The following POLA1 variants were observed in gnomAD, a reference collection of about 807,000 sequenced individuals.
POLA1 encodes the protein DNA polymerase alpha catalytic subunit.
In POLA1, 15 loss-of-function variants were observed where a neutral mutation model predicts 124.0. That is an observed-to-expected ratio of 0.12 (90% CI 0.08 to 0.19). POLA1 has a LOEUF of 0.19. Among genes scored for constraint, POLA1 ranks in the 10% least tolerant of loss-of-function variants. The pLI is 1.00. For synonymous variants in POLA1, 408 were observed against 389.4 expected (o/e 1.05, Z -0.56); for missense variants, 886 against 1,103.4 (o/e 0.80, Z 2.79).
chrX:24,694,124 G>A, intron 1 of POLA1, 120 bp downstream of exon 1: 2 of 717,245 alleles, frequency 2.8e-6, no homozygotes, highest in Non-Finnish European at 4.0e-6. Context: ...GGTCGTCCCC[G>A]GCGGGGGCCC....
intron 36 of POLA1, among the ~76,000 whole-genome samples, chrX:24,986,994 G>A (rs2048487456): frequency 9.0e-6 from 1 of 111,148 alleles, no homozygotes; most frequent in Non-Finnish European, 1.9e-5. Flanking sequence ...GTATGGCCTG[G>A]ACCAAGTGAC....
chrX:24,748,182 A>G (rs1189336296), intron 24 of POLA1, 129 bp from the exon 25 acceptor site: 1 of 464,763 alleles, frequency 2.2e-6, no homozygotes, highest in Non-Finnish European at 3.7e-6. Flanking sequence ...CTACTCATGC[A>G]TTATTGACCT....
chrX:24,716,445 C>T lies in POLA1; in HGVS notation c.609C>T (p.His203=). ...CTTCACCGAATCCTTTCTCTGTGCACACCGCCACGGTAAAGTGTGTAGAGA... is the reference window on the plus strand; with the variant it reads ...CTTCACCGAATCCTTTCTCTGTGCATACCGCCACGGTAAAGTGTGTAGAGA... ...IGASPNPFSV[H]TATAVPSGKI... Residue 203 remains histidine, a synonymous_variant, in exon 7 of 37, where the codon CAC becomes CAT. Transcript: ENST00000379068. 1.8e-6 allele frequency: 2 copies of T among 1,102,373 alleles called. No homozygotes were observed. The highest frequency in any genetic ancestry group is 2.5e-6 in the Non-Finnish European group (2 of 795,894). The allele number at this position is 1,102,373 out of a possible 1,213,427, so 90.8% of individuals were successfully genotyped here.
intron 36 of POLA1, among the ~76,000 whole-genome samples, chrX:24,970,381 G>A (rs1329762199): frequency 8.9e-6 from 1 of 112,011 alleles, no homozygotes; most frequent in Non-Finnish European, 1.9e-5. Context: ...ATACCATCCT[G>A]GACATAGGAA....
chrX:24,860,521 G>A (rs1163390715), intron 34 of POLA1, among the ~76,000 whole-genome samples: 1 of 112,743 alleles, frequency 8.9e-6, no homozygotes, highest in African/African-American at 3.2e-5. Flanking sequence ...TCTACCTTCA[G>A]AATGGCTATT....
rs1373360502 is a variant in POLA1, at chrX:24,899,189, C to G, written c.4164+11067C>G. ...GCCACATTAATGCTGCTATTAAGAT[C>G]CGTGTGCTATAAATTAGATAAGCTT... On this transcript the variant is annotated intron_variant, in intron 35 of 36. Coordinates refer to ENST00000379068, the MANE Select transcript of POLA1 (RefSeq NM_001330360.2). Among the ~76,000 whole-genome samples, 9 of 111,773 alleles carry G rather than the reference C, an allele frequency of 8.1e-5. 1 individual carries two copies. In the Admixed American group the frequency reaches 8.6e-4, roughly 11 times the overall value.
chrX:24,787,046 G>A (rs1281881773), intron 26 of POLA1, among the ~76,000 whole-genome samples: 1 of 110,765 alleles, frequency 9.0e-6, no homozygotes, highest in Non-Finnish European at 1.9e-5. Context: ...GAGTGGCTGG[G>A]ATTACAGGCC....
chrX:24,878,695 G>T (rs1247259045), intron 34 of POLA1, among the ~76,000 whole-genome samples: 1 of 105,699 alleles, frequency 9.5e-6, no homozygotes, highest in East Asian at 3.0e-4. Flanking sequence ...TTGCTTATGT[G>T]ATTAAATGGA....
At chrX:24,940,603 G>A (rs769136233) in intron 36 of POLA1, among the ~76,000 whole-genome samples, 38 of 111,549 alleles carry the variant, frequency 3.4e-4, no homozygotes, top group African/African-American at 1.1e-3. Flanking sequence ...TTAGATACAG[G>A]TATACTAATT....
At chrX:24,754,817 G>T (rs1322274382) in intron 26 of POLA1, among the ~76,000 whole-genome samples, 1 of 111,790 alleles carries the variant, frequency 8.9e-6, no homozygotes, top group Non-Finnish European at 1.9e-5. Context: ...AAAAGCAGGA[G>T]AAAAACTCTA....
At chrX:24,716,782 CT>C in intron 7 of POLA1, 101 bp from the exon 8 acceptor site, 1 of 464,950 alleles carries the variant, frequency 2.2e-6, no homozygotes, top group South Asian at 4.3e-5. Context: ...TACATAAAAT[CT>C]TTTTATAAAA....
intron 4 of POLA1, among the ~76,000 whole-genome samples, chrX:24,709,182 C>T (rs1489589993): frequency 4.5e-5 from 4 of 89,637 alleles, no homozygotes; most frequent in African/African-American, 1.3e-4. Context: ...GGCGGCTGGC[C>T]GGGCAGGGGG....
chrX:24,990,212 A>G (rs1335290639), intron 36 of POLA1, among the ~76,000 whole-genome samples: 1 of 112,498 alleles, frequency 8.9e-6, no homozygotes, highest in Non-Finnish European at 1.9e-5. Context: ...AATATCCAAT[A>G]TCAATGGATT....
At chrX:24,736,962 T>C (rs760910997) in intron 18 of POLA1, among the ~76,000 whole-genome samples, 1 of 112,131 alleles carries the variant, frequency 8.9e-6, no homozygotes, top group Non-Finnish European at 1.9e-5. Context: ...TTGATAAACA[T>C]AGGAAAGTGA....
Position 24,745,524 on chromosome X carries a change from G to A in POLA1, c.2673G>A (p.Glu891=). The change falls in exon 24 of 37, where the codon GAG becomes GAA. Residue 891 remains glutamate (E), a synonymous_variant. Coordinates refer to ENST00000379068, the MANE Select transcript of POLA1 (RefSeq NM_001330360.2). The part of the protein sequence containing the change: ...CFTTVQRVAS[E]AQKVTEDGEQ... ...CAACAGTACAAAGAGTTGCTTCAGA[G>A]GCACAGAAAGTTACAGAGGTTTGTA... is the stretch of plus-strand genomic sequence containing the variant. 8.6e-7 allele frequency: 1 copy of A among 1,167,905 alleles called. No individual in the cohort carries two copies. Among genetic ancestry groups the A allele is most frequent in the Non-Finnish European group, 1.2e-6 (1 of 862,368 alleles).
intron 26 of POLA1, among the ~76,000 whole-genome samples, chrX:24,757,858 C>T (rs149422859): frequency 0.019 from 2,149 of 111,509 alleles, 53 homozygotes; most frequent in African/African-American, 0.067. Flanking sequence ...TTCCAAAATT[C>T]CAAATTCAAA....
At chrX:24,952,797 C>T (rs749842620) in intron 36 of POLA1, among the ~76,000 whole-genome samples, 165 of 110,475 alleles carry the variant, frequency 1.5e-3, no homozygotes, top group Non-Finnish European at 2.4e-3. Flanking sequence ...TCAGCCATCA[C>T]TTAAAAGTTG....
At chrX:24,808,449 C>T (rs934909453) in intron 26 of POLA1, among the ~76,000 whole-genome samples, 10 of 111,649 alleles carry the variant, frequency 9.0e-5, no homozygotes, top group Non-Finnish European at 1.9e-4. Flanking sequence ...TATCTTAGGC[C>T]AATGGTCCTT....
At chrX:24,824,329 GTCAC>G (rs1404739666) in intron 31 of POLA1, among the ~76,000 whole-genome samples, 1 of 110,311 alleles carries the variant, frequency 9.1e-6, no homozygotes, top group African/African-American at 3.3e-5. Context: ...GTCTCGCTCT[GTCAC>G]TCAGGCAAGA....
Sources: gnomAD v4.1 joint callset for allele counts (sites outside exome capture counted in the v4.1 genomes callset) on GRCh38, gnomAD v4.1.1 for gene constraint, MANE v1.5 for transcripts, NCBI Gene and HGNC (gene_info 2026-07-23, HGNC 2026-07-21) for gene names.